LIN9: variants seen among roughly 807,000 people sequenced by gnomAD.
The protein encoded by LIN9 is lin-9 DREAM MuvB core complex component.
A neutral mutation model predicts 78.0 loss-of-function variants in LIN9; 18 were observed. The ratio of observed to expected loss-of-function variants is 0.23; its 90% CI spans 0.16 to 0.34. The LOEUF is 0.34. LIN9 is among the 10% of genes least tolerant of loss of function. The pLI, the probability that LIN9 is intolerant of heterozygous loss-of-function variation, is 1.00. For synonymous variants in LIN9, 192 were observed against 215.2 expected (o/e 0.89, Z 0.94); for missense variants, 451 against 644.1 (o/e 0.70, Z 3.25).
Position 226,267,939 on chromosome 1 carries a change from T to C in LIN9, c.816+18A>G, listed in dbSNP as rs780197410. 3.7e-6 allele frequency: 6 copies of C among 1,604,996 alleles called. No individual in the cohort carries two copies. The South Asian group carries it at 6.7e-5, about 18-fold the overall frequency. On this transcript the variant is annotated intron_variant, in intron 8 of 14. Transcript: ENST00000681046. ...TTAACAGGCATAAAACACAAATGTATTATGAAATACTACTTACGAGAACTT... is the reference window on the plus strand; with the variant it reads ...TTAACAGGCATAAAACACAAATGTACTATGAAATACTACTTACGAGAACTT...
At chr1:226,246,885 T>C (rs1409088040) in intron 11 of LIN9, among the ~76,000 whole-genome samples, 2 of 152,118 alleles carry the variant, frequency 1.3e-5, no homozygotes, top group East Asian at 3.8e-4. Context: ...CTGTGGCTTG[T>C]TGCCTTTTGA....
chr1:226,261,083 T>C (rs1454223822), intron 10 of LIN9, among the ~76,000 whole-genome samples: 2 of 151,470 alleles, frequency 1.3e-5, no homozygotes, highest in East Asian at 3.9e-4. Context: ...AATTCAACAC[T>C]CATTCATGAT....
chr1:226,246,007 T>C (rs2377026), intron 11 of LIN9, among the ~76,000 whole-genome samples: 97,664 of 152,068 alleles, frequency 0.64, 31,792 homozygotes, highest in East Asian at 0.7. Context: ...TATATGTATA[T>C]ACACCCCTAC....
In LIN9 at chr1:226,245,535, C is replaced by CGGGGG. The variant is rs1235032246; in HGVS notation, c.1119+5303_1119+5304insCCCCC. ...ACTTCTGGGCTCAAGCAATCCTCCC[C>CGGGGG]CATCAGTCTCCTGAGGAGCTGGAAC... On this transcript the variant is annotated intron_variant, in intron 11 of 14. Coordinates refer to ENST00000681046, the MANE Select transcript of LIN9 (RefSeq NM_001366245.2). Among the ~76,000 whole-genome samples the CGGGGG allele has an allele frequency of 2.6e-5, 4 of 152,018 alleles. No homozygotes were observed. In the East Asian group the frequency reaches 7.7e-4, roughly 29 times the overall value.
chr1:226,250,749 CCAT>C, intron 11 of LIN9, 87 bp downstream of exon 11: 1 of 677,510 alleles, frequency 1.5e-6, no homozygotes, highest in Non-Finnish European at 2.5e-6. Flanking sequence ...AGGTTTCCTT[CCAT>C]AGATATTTTT....
rs1200087076 is a variant in LIN9 at position 226,265,956 on chromosome 1, C to T, written c.936+257G>A. Among the ~76,000 whole-genome samples, 2 of 151,970 alleles carry T rather than the reference C, an allele frequency of 1.3e-5. No individual in the cohort carries two copies. The highest frequency in any genetic ancestry group is 4.8e-5 in the African/African-American group (2 of 41,366). ...CCTCCCAAAGTGCTGGGATTACAGG[C>T]GTGAGCCACTGCGCCCGGCCAGGAA... On this transcript the variant is annotated intron_variant, in intron 9 of 14. Transcript: ENST00000681046. The surrounding 1 kb of genome is among the most constrained non-coding windows in gnomAD (Gnocchi z 4.1).
chr1:226,245,883 A>G (rs902204486), intron 11 of LIN9, among the ~76,000 whole-genome samples: 1 of 152,172 alleles, frequency 6.6e-6, no homozygotes, highest in Non-Finnish European at 1.5e-5. Flanking sequence ...AAACATTTTT[A>G]TTGTTCCATT....
At chr1:226,247,674 CT>C (rs35184021) in intron 11 of LIN9, among the ~76,000 whole-genome samples, 805 of 138,846 alleles carry the variant, frequency 5.8e-3, no homozygotes, top group Non-Finnish European at 7.5e-3. Context: ...TGTTTTCTTT[CT>C]TTTTTTTTTT....
intron 10 of LIN9, among the ~76,000 whole-genome samples, chr1:226,257,016 C>T (rs950993134): frequency 3.9e-5 from 6 of 152,000 alleles, no homozygotes; most frequent in East Asian, 1.9e-4. Context: ...TGCAATGGAG[C>T]GATTTTGGCT....
chr1:226,264,177 G>A (rs1659774098), intron 10 of LIN9, among the ~76,000 whole-genome samples: 1 of 151,724 alleles, frequency 6.6e-6, no homozygotes, highest in African/African-American at 2.4e-5. Context: ...TCAGGAGTTT[G>A]AGACCAGCCT....
intron 4 of LIN9, among the ~76,000 whole-genome samples, chr1:226,294,846 C>CTG (rs1253770270): frequency 6.6e-6 from 1 of 150,996 alleles, no homozygotes; most frequent in Admixed American, 6.6e-5. Context: ...GTTGCCCAGG[C>CTG]TGGAGTGCAG....
chr1:226,237,713 C>T (rs1287211773), intron 12 of LIN9, among the ~76,000 whole-genome samples: 2 of 150,452 alleles, frequency 1.3e-5, no homozygotes, highest in African/African-American at 2.4e-5. Context: ...TTTGGGAGGC[C>T]GAGGAGGGCG....
chr1:226,289,846 T>TGG (rs1553283370), intron 4 of LIN9, among the ~76,000 whole-genome samples: 482 of 16,172 alleles, frequency 0.03, 14 homozygotes, highest in East Asian at 0.11. Flanking sequence ...GGGGGGGGGG[T>TGG]GGGGGGGGGT....
chr1:226,242,561 G>A (rs1359975797), intron 11 of LIN9, among the ~76,000 whole-genome samples: 1 of 152,120 alleles, frequency 6.6e-6, no homozygotes, highest in African/African-American at 2.4e-5. Context: ...ACCAGAAAAA[G>A]GAACAGGCTG....
chr1:226,295,941 G>C lies in LIN9; in HGVS notation c.165C>G (p.Phe55Leu). The change falls in exon 4 of 15, where the codon TTC (phenylalanine) becomes TTG (leucine). Residue 55 changes from phenylalanine to leucine, a missense_variant. Physicochemically the swap from Phe to Leu is conservative, Grantham distance 22. Coordinates refer to ENST00000681046, the MANE Select transcript of LIN9 (RefSeq NM_001366245.2). ...RNTSSAVEMP[F>L]RNSKRSRLFS... ...AAAGTCGACTTCGTTTTGAATTTCT[G>C]AAAGGCTATGATAGAAATGTTTTCA... 1 of 1,601,396 alleles carries C rather than the reference G, an allele frequency of 6.2e-7. No homozygotes were observed. The highest frequency in any genetic ancestry group is 8.5e-7 in the Non-Finnish European group (1 of 1,171,002).
intron 1 of LIN9, among the ~76,000 whole-genome samples, chr1:226,308,480 C>T (rs551825857): frequency 6.6e-6 from 1 of 152,158 alleles, no homozygotes; most frequent in Non-Finnish European, 1.5e-5. Flanking sequence ...GCTGGATGAT[C>T]TCAGGAAAGG....
At chr1:226,233,592 GC>G in intron 12 of LIN9, 69 bp from the exon 13 acceptor site, 1 of 1,194,832 alleles carries the variant, frequency 8.4e-7, no homozygotes, top group Non-Finnish European at 1.1e-6. Context: ...ATGTGTTTGT[GC>G]CCTCTTTTCA....
At chr1:226,292,767 T>A (rs1661876463) in intron 4 of LIN9, among the ~76,000 whole-genome samples, 1 of 152,178 alleles carries the variant, frequency 6.6e-6, no homozygotes, top group Admixed American at 6.6e-5. Context: ...AATATATGAT[T>A]TGTATATGTA....
intron 7 of LIN9, among the ~76,000 whole-genome samples, chr1:226,272,245 G>A (rs1394570556): frequency 6.6e-6 from 1 of 151,656 alleles, no homozygotes; most frequent in South Asian, 2.1e-4. Context: ...TAGTGGAGAC[G>A]GGGTTTCACC....
Sources: allele counts gnomAD v4.1 joint callset (sites outside exome capture counted in the v4.1 genomes callset), GRCh38; gene constraint gnomAD v4.1.1; non-coding constraint Gnocchi (gnomAD v3.1); transcripts MANE v1.5; gene names NCBI Gene and HGNC (gene_info 2026-07-23, HGNC 2026-07-21).